Variants in SFMBT1 observed in about 807,000 individuals in gnomAD.
SFMBT1 encodes scm-like with four MBT domains protein 1.
In SFMBT1, 32 loss-of-function variants were observed where a neutral mutation model predicts 108.7. The ratio of observed to expected loss-of-function variants is 0.29; its 90% confidence interval spans 0.22 to 0.40. The LOEUF is 0.40. SFMBT1 is among the 10% of genes least tolerant of loss of function. The pLI is 1.00. For synonymous variants in SFMBT1, 348 were observed against 369.5 expected (o/e 0.94, Z 0.67); for missense variants, 816 against 1,059.6 (o/e 0.77, Z 3.19).
intron 4 of SFMBT1, among the ~76,000 whole-genome samples, chr3:52,937,810 T>C (rs1407812549): frequency 2.0e-5 from 3 of 152,146 alleles, no homozygotes; most frequent in African/African-American, 4.8e-5. Flanking sequence ...CTTGATCTCC[T>C]AACCTCGTGA....
chr3:52,942,167 T>C (rs1414434960), intron 4 of SFMBT1, among the ~76,000 whole-genome samples: 2 of 152,224 alleles, frequency 1.3e-5, no homozygotes, highest in African/African-American at 2.4e-5. Flanking sequence ...TATTAAACAA[T>C]GTTCCTTTTA....
intron 1 of SFMBT1, among the ~76,000 whole-genome samples, chr3:53,006,928 T>C (rs1381551559): frequency 1.3e-5 from 2 of 152,224 alleles, no homozygotes; most frequent in African/African-American, 2.4e-5. Flanking sequence ...CCATTCCATG[T>C]TTCATTTTAT....
At chr3:52,920,104 G>A (rs965941114) in intron 12 of SFMBT1, among the ~76,000 whole-genome samples, 56 of 152,324 alleles carry the variant, frequency 3.7e-4, no homozygotes, top group African/African-American at 1.1e-3. Flanking sequence ...ATCTGCCAAC[G>A]CCTGGATCTT....
intron 3 of SFMBT1, among the ~76,000 whole-genome samples, chr3:52,952,488 G>A (rs1367989777): frequency 6.6e-6 from 1 of 152,202 alleles, no homozygotes; most frequent in Non-Finnish European, 1.5e-5. Context: ...TATGAAGGTT[G>A]TCTTAGTCCA....
At chr3:52,944,950 T>A (rs1703308093) in intron 3 of SFMBT1, among the ~76,000 whole-genome samples, 1 of 151,638 alleles carries the variant, frequency 6.6e-6, no homozygotes, top group Non-Finnish European at 1.5e-5. Context: ...ACCCCAGATG[T>A]GCGCCACCAT....
chr3:52,952,855 G>A (rs1703640341), intron 3 of SFMBT1, among the ~76,000 whole-genome samples: 1 of 152,192 alleles, frequency 6.6e-6, no homozygotes, highest in Admixed American at 6.5e-5. Flanking sequence ...TCATAAGGAT[G>A]GAGCCCTGAT....
intron 13 of SFMBT1, among the ~76,000 whole-genome samples, chr3:52,917,971 T>G (rs1019981775): frequency 6.6e-6 from 1 of 152,200 alleles, no homozygotes; most frequent in Non-Finnish European, 1.5e-5. Context: ...AAAACACACA[T>G]ATACACACAG....
chr3:52,979,245 A>G lies in SFMBT1; in HGVS notation c.-130-9987T>C, dbSNP rs1249296148. Among the ~76,000 whole-genome samples, 5 of 152,124 alleles carry G rather than the reference A, an allele frequency of 3.3e-5. No individual in the cohort carries two copies. The South Asian group carries it at 1.0e-3, about 32-fold the overall frequency. ...TACCCTTAGGATATGCAACAGAAGGAGAAAGAAAATAATTTGGCTGTTACT... is the reference window on the plus strand; with the variant it reads ...TACCCTTAGGATATGCAACAGAAGGGGAAAGAAAATAATTTGGCTGTTACT... On this transcript the variant is annotated intron_variant, in intron 1 of 20. Transcript: ENST00000394752.
intron 1 of SFMBT1, among the ~76,000 whole-genome samples, chr3:53,012,601 A>G (rs1341823792): frequency 6.6e-6 from 1 of 151,284 alleles, no homozygotes; most frequent in Non-Finnish European, 1.5e-5. Flanking sequence ...GCGGGGTTTC[A>G]CTGTGTTAGC....
Position 52,934,798 on chromosome 3 carries a change from T to C in SFMBT1, c.453+15A>G, listed in dbSNP as rs1387094067. 2 of 1,603,738 alleles carry C rather than the reference T, an allele frequency of 1.2e-6. No homozygotes were observed. Among genetic ancestry groups the C allele is most frequent in the Non-Finnish European group, 1.7e-6 (2 of 1,173,694 alleles). On this transcript the variant is annotated intron_variant, in intron 5 of 20. Coordinates refer to ENST00000394752, the MANE Select transcript of SFMBT1 (RefSeq NM_016329.4). ...ATGGGTTTTCCATGCTGATGTGGCA[T>C]GTAGTAATACTCACGCCCTCTAGCA...
chr3:53,033,914 A>T (rs9864036), intron 1 of SFMBT1, among the ~76,000 whole-genome samples: 1 of 151,818 alleles, frequency 6.6e-6, no homozygotes, highest in African/African-American at 2.4e-5. Context: ...TACTAAAAAT[A>T]AAAAAATTAG....
chr3:53,021,521 T>C (rs1201032525), intron 1 of SFMBT1, among the ~76,000 whole-genome samples: 1 of 152,172 alleles, frequency 6.6e-6, no homozygotes, highest in Non-Finnish European at 1.5e-5. Context: ...TATCCATGGG[T>C]CACAGACATA....
At chr3:52,994,995 T>A (rs554122281) in intron 1 of SFMBT1, among the ~76,000 whole-genome samples, 1 of 135,718 alleles carries the variant, frequency 7.4e-6, no homozygotes, top group South Asian at 2.4e-4. Flanking sequence ...ATCTATTCAC[T>A]GTAGCATCAA....
chr3:52,968,999 C>T, intron 2 of SFMBT1, 102 bp downstream of exon 2: 2 of 1,421,710 alleles, frequency 1.4e-6, no homozygotes, highest in Non-Finnish European at 2.0e-6. Flanking sequence ...CTTAAGACTT[C>T]AAAGAGCTTC....
chr3:52,922,966 T>A (rs182699723), intron 10 of SFMBT1, among the ~76,000 whole-genome samples: 2 of 152,314 alleles, frequency 1.3e-5, no homozygotes, highest in Non-Finnish European at 2.9e-5. Context: ...CATAATGATA[T>A]GGATTCAGGT....
In SFMBT1 at chr3:52,907,887, C is replaced by T. The variant is rs553601676; in HGVS notation, c.1907-154G>A. ...GTGGAATAAACAGATCTGAAGTGCA[C>T]GGTTTGACTAGTACTGAATGATCCC... On this transcript the variant is annotated intron_variant, in intron 17 of 20. Transcript: ENST00000394752. Among the ~76,000 whole-genome samples the T allele has an allele frequency of 3.9e-5, 6 of 152,238 alleles. No homozygotes were observed. In the East Asian group the frequency reaches 7.7e-4, roughly 20 times the overall value.
Position 52,907,677 on chromosome 3 carries a change from T to C in SFMBT1, c.1963A>G (p.Ser655Gly). Residue 655 changes from serine to glycine, a missense_variant, in exon 18 of 21, where the codon AGT (serine) becomes GGT (glycine). Ser to Gly is a moderately conservative substitution (Grantham distance 56). Around this residue, in one of 5 missense-constraint regions of SFMBT1, gnomAD observed 177 missense variants for 182.0 expected, o/e 0.97. Coordinates refer to ENST00000394752, the MANE Select transcript of SFMBT1 (RefSeq NM_016329.4). Reference sequence around the variant, plus strand: ...TTTTTCAGGGCACAAGCTAAGTTACTATGCCCACCAGGTGGCCTCCCAATT... The same window carrying C: ...TTTTTCAGGGCACAAGCTAAGTTACCATGCCCACCAGGTGGCCTCCCAATT... ...KRIGRPPGGH[S>G]NLACALKKAS... 1 of 1,614,156 alleles carries C rather than the reference T, an allele frequency of 6.2e-7. No homozygotes were observed. Among genetic ancestry groups the C allele is most frequent in the Non-Finnish European group, 8.5e-7 (1 of 1,180,022 alleles).
At chr3:52,995,411 C>A (rs1698288616) in intron 1 of SFMBT1, among the ~76,000 whole-genome samples, 1 of 150,256 alleles carries the variant, frequency 6.7e-6, no homozygotes, top group South Asian at 2.1e-4. Flanking sequence ...TATTTTGAGG[C>A]AGGGTCTTGC....
chr3:53,038,795 T>C (rs1407546385), intron 1 of SFMBT1, among the ~76,000 whole-genome samples: 2 of 152,188 alleles, frequency 1.3e-5, no homozygotes, highest in Non-Finnish European at 2.9e-5. Context: ...TTTCTATCAA[T>C]ACAGAAACAA....
Sources: allele counts gnomAD v4.1 joint callset (sites outside exome capture counted in the v4.1 genomes callset), GRCh38; gene constraint gnomAD v4.1.1; regional missense constraint gnomAD v4.1.1; transcripts MANE v1.5; gene names NCBI Gene and HGNC (gene_info 2026-07-23, HGNC 2026-07-21).